MDFI: variants seen among roughly 807,000 people sequenced by gnomAD.
The protein encoded by MDFI is MyoD family inhibitor, also known as inhibitor of MyoD family a.
MDFI carries 16 observed loss-of-function variants against 22.3 expected under a neutral mutation model. The observed-to-expected ratio is 0.72, with a 90% CI of 0.49 to 1.09. The LOEUF is 1.09. Among genes scored for constraint, MDFI ranks in the 50% least tolerant of loss-of-function variants. The probability of loss-of-function intolerance (pLI) is 0.00; values close to 1 mark genes in which losing one functional copy is unlikely to be tolerated. For missense variants in MDFI, 314 were observed against 326.1 expected, an observed-to-expected ratio of 0.96 and a Z score of 0.29; for synonymous variants, 145 against 142.7, an observed-to-expected ratio of 1.02 and a Z score of -0.12.
intron 4 of MDFI, among the ~76,000 whole-genome samples, chr6:41,651,456 G>A (rs1479869496): frequency 7.6e-6 from 1 of 131,766 alleles, no homozygotes; most frequent in East Asian, 2.0e-4. Flanking sequence ...TGCGCACAGA[G>A]CTGAGAAATG....
chr6:41,638,822 C>T lies in MDFI; in HGVS notation c.73C>T (p.Pro25Ser), dbSNP rs764182854. 40 of 1,555,140 alleles carry T rather than the reference C, an allele frequency of 2.6e-5. No individual in the cohort carries two copies. Among genetic ancestry groups the T allele is most frequent in the Non-Finnish European group, 3.5e-5 (40 of 1,156,726 alleles). Residue 25 changes from proline to serine, a missense_variant, in exon 2 of 5, where the codon CCA becomes TCA. Transcript: ENST00000230321. The surrounding 1 kb of genome is among the most constrained non-coding windows in gnomAD (Gnocchi z 7.6). ...PYGAPSAAPGPAQTLSLLPGL... is the reference protein window; with the variant it reads ...PYGAPSAAPGSAQTLSLLPGL... ...TGGAGCCCCCAGCGCAGCCCCGGGC[C>T]CAGGTAGGACCGGGAGTGGCGAGCG... is the stretch of plus-strand genomic sequence containing the variant.
intron 3 of MDFI, among the ~76,000 whole-genome samples, chr6:41,646,860 T>C (rs577274657): frequency 6.6e-6 from 1 of 152,304 alleles, no homozygotes; most frequent in East Asian, 1.9e-4. Flanking sequence ...TTTAGACACA[T>C]TTTTACTTTC....
intron 2 of MDFI, chr6:41,639,657 G>C (rs888127209): frequency 2.0e-6 from 2 of 985,340 alleles, no homozygotes; most frequent in African/African-American, 3.5e-5. Flanking sequence ...AGGGCCAGGG[G>C]AACCGCGTGC....
At chr6:41,640,428 G>A (rs1767809411) in intron 2 of MDFI, among the ~76,000 whole-genome samples, 1 of 152,174 alleles carries the variant, frequency 6.6e-6, no homozygotes, top group African/African-American at 2.4e-5. Context: ...GCTCTGGGCT[G>A]TAACTTGAGG....
chr6:41,643,576 A>AGGAGGGAGGGAGGGAGGGAG, intron 2 of MDFI, among the ~76,000 whole-genome samples: 1 of 73,440 alleles, frequency 1.4e-5, no homozygotes, highest in African/African-American at 6.6e-5. Context: ...GAAGGAAGGA[A>AGGAGGGAGGGAGGGAGGGAG]GGAGGGAGGG....
At chr6:41,645,706 G>A (rs528323337) in intron 2 of MDFI, among the ~76,000 whole-genome samples, 11 of 152,232 alleles carry the variant, frequency 7.2e-5, no homozygotes, top group African/African-American at 2.6e-4. Context: ...ATCTCTCGCA[G>A]TCCGATGCTC....
At position 41,653,316 on chromosome 6, in the gene MDFI, C is replaced by A. The variant is rs1768351444; in HGVS notation, c.485-3C>A. 1.2e-6 allele frequency: 2 copies of A among 1,606,850 alleles called. No homozygotes were observed. Among genetic ancestry groups the A allele is most frequent in the African/African-American group, 1.3e-5 (1 of 74,788 alleles). ...CGTCCCCCTCTCCACCGCCACCCCG[C>A]AGACTGCTGTGTCCACTGCATCCTG... On this transcript the variant is annotated splice_polypyrimidine_tract_variant and splice_region_variant and intron_variant, in intron 4 of 4. Transcript: ENST00000230321. This position sits in a 1 kb window ranked among gnomAD's most constrained non-coding sequence, Gnocchi z 4.2.
chr6:41,645,678 A>G (rs1012919627), intron 2 of MDFI, among the ~76,000 whole-genome samples: 2 of 151,360 alleles, frequency 1.3e-5, no homozygotes, highest in African/African-American at 2.4e-5. Context: ...GTCACTGTGG[A>G]TCCCTTTTCC....
chr6:41,646,907 T>C lies in MDFI; in HGVS notation c.259+599T>C, dbSNP rs182795206. 2.7e-3 allele frequency among the ~76,000 whole-genome samples: 405 copies of C among 152,332 alleles called. 2 individuals are homozygous for C. Among genetic ancestry groups the C allele is most frequent in the African/African-American group, 8.9e-3 (370 of 41,576 alleles). Reference sequence around the variant, plus strand: ...CCCTGAGTGGGCTCACTTGCTCTCCTAATCAGCCTGCAATGAGGCAGCAGG... The same window carrying C: ...CCCTGAGTGGGCTCACTTGCTCTCCCAATCAGCCTGCAATGAGGCAGCAGG... On this transcript the variant is annotated intron_variant, in intron 3 of 4. Transcript: ENST00000230321.
Position 41,638,744 on chromosome 6 carries a change from G to A in MDFI, c.-6G>A, listed in dbSNP as rs769092230. The A allele has an allele frequency of 5.8e-6, 9 of 1,564,666 alleles. No homozygotes were observed. The highest frequency in any genetic ancestry group is 1.3e-5 in the African/African-American group (1 of 74,140). Reference sequence around the variant, plus strand: ...CTGAGCCCTGTTTTCCGCAGGTCCGGGGCCGATGTACCAGGTGAGCGGCCA... The same window carrying A: ...CTGAGCCCTGTTTTCCGCAGGTCCGAGGCCGATGTACCAGGTGAGCGGCCA... On this transcript the variant is annotated 5_prime_UTR_variant, in exon 2 of 5. Transcript: ENST00000230321. The surrounding 1 kb of genome is among the most constrained non-coding windows in gnomAD (Gnocchi z 7.6).
At chr6:41,651,540 A>G (rs1768272881) in intron 4 of MDFI, among the ~76,000 whole-genome samples, 1 of 128,148 alleles carries the variant, frequency 7.8e-6, no homozygotes, top group Non-Finnish European at 1.7e-5. Flanking sequence ...GTCCTTACCA[A>G]CCAGGCAGTA....
At chr6:41,642,567 C>G (rs1767891365) in intron 2 of MDFI, among the ~76,000 whole-genome samples, 1 of 152,196 alleles carries the variant, frequency 6.6e-6, no homozygotes, top group South Asian at 2.1e-4. Flanking sequence ...ACCAGGTCTT[C>G]CTGCAGCTGC....
chr6:41,646,266 C>T lies in MDFI; in HGVS notation c.217C>T (p.Leu73=). 1 of 1,528,988 alleles carries T rather than the reference C, an allele frequency of 6.5e-7. No individual in the cohort carries two copies. Among genetic ancestry groups the T allele is most frequent in the African/African-American group, 1.4e-5 (1 of 71,004 alleles). 94.7% of individuals were successfully genotyped at this position (1,528,988 alleles called of 1,614,324 possible). A position where few individuals can be genotyped will look rare whatever the true frequency, so the allele number is the denominator to read the frequency against. Residue 73 remains leucine (L), a synonymous_variant, in exon 3 of 5, where the codon CTG becomes TTG. Coordinates refer to ENST00000230321, the MANE Select transcript of MDFI (RefSeq NM_005586.4). ...CAATGGCCCTGGCATCCCCCAGGGC[C>T]TGGACAGCACTGACCTCGACGTCCC... ...QGNGPGIPQG[L]DSTDLDVPTE... is the part of the protein sequence containing the mutation.
intron 2 of MDFI, among the ~76,000 whole-genome samples, chr6:41,642,089 C>G (rs1207808494): frequency 1.3e-5 from 2 of 152,176 alleles, no homozygotes; most frequent in Non-Finnish European, 2.9e-5. Context: ...CCGTATCTCC[C>G]CTTTGTAGAT....
chr6:41,648,666 G>T (rs1281477653), intron 3 of MDFI, among the ~76,000 whole-genome samples: 1 of 152,116 alleles, frequency 6.6e-6, no homozygotes, highest in Non-Finnish European at 1.5e-5. Flanking sequence ...CCAGGAGTCA[G>T]GACCCCTGCA....
chr6:41,640,056 T>A, intron 2 of MDFI: 1 of 579,782 alleles, frequency 1.7e-6, no homozygotes, highest in Non-Finnish European at 2.2e-6. Context: ...TCAAATTGCC[T>A]GCTGTCTCTG....
At position 41,649,790 on chromosome 6, in the gene MDFI, G is replaced by C. The variant is rs759949486; in HGVS notation, c.431G>C (p.Ser144Thr). ...PSLASQGSKKSKSSSKSTTSQ... is the reference protein window; with the variant it reads ...PSLASQGSKKTKSSSKSTTSQ... ...CTCGCCAGCCAGGGCAGCAAGAAGA[G>C]TAAGAGCAGCAGCAAATCCACCACC... is the stretch of plus-strand genomic sequence containing the variant. The change falls in exon 4 of 5, where the codon AGT (serine) becomes ACT (threonine). Residue 144 changes from serine (S) to threonine (T), a missense_variant. Transcript: ENST00000230321. 5.0e-6 allele frequency: 8 copies of C among 1,613,980 alleles called. No homozygotes were observed. In the Admixed American group the frequency reaches 1.0e-4, roughly 20 times the overall value.
At position 41,653,192 on chromosome 6, in the gene MDFI, AG is replaced by A. The variant is rs1280183369; in HGVS notation, c.485-125del. 4 of 952,482 alleles carry A rather than the reference AG, an allele frequency of 4.2e-6. No individual in the cohort carries two copies. The highest frequency in any genetic ancestry group is 2.0e-5 in the Admixed American group (1 of 50,884). 59.0% of individuals were successfully genotyped at this position (952,482 alleles called of 1,614,324 possible). On this transcript the variant is annotated intron_variant, in intron 4 of 4. Coordinates refer to ENST00000230321, the MANE Select transcript of MDFI (RefSeq NM_005586.4). The surrounding 1 kb of genome is among the most constrained non-coding windows in gnomAD (Gnocchi z 4.2). ...CTGTGGGGACGGATTCGTGAGCTTC[AG>A]GCACACAGTGAACACTCAGCGTCCC...
chr6:41,637,680 C>G (rs1208883251), upstream of MDFI, among the ~76,000 whole-genome samples: 1 of 152,078 alleles, frequency 6.6e-6, no homozygotes, highest in African/African-American at 2.4e-5. The surrounding 1 kb of genome is among the most constrained non-coding windows in gnomAD (Gnocchi z 6.8). Context: ...ACCATCCAGA[C>G]GCGCCGCCCG....
Sources: allele counts gnomAD v4.1 joint callset (sites outside exome capture counted in the v4.1 genomes callset), GRCh38; gene constraint gnomAD v4.1.1; non-coding constraint Gnocchi (gnomAD v3.1); transcripts MANE v1.5; gene names NCBI Gene and HGNC (gene_info 2026-07-23, HGNC 2026-07-21).